The following KYAT1 variants were observed in gnomAD, a reference collection of about 807,000 sequenced individuals.
The protein encoded by KYAT1 is kynurenine--oxoglutarate transaminase 1.
KYAT1 carries 47 observed loss-of-function variants against 52.4 expected under a neutral mutation model. That is an observed-to-expected ratio of 0.90 (90% confidence interval 0.71 to 1.14). KYAT1 has a LOEUF of 1.14. Among genes scored for constraint, KYAT1 ranks in the 50% most tolerant of loss-of-function variants. KYAT1 has a pLI of 0.00. For synonymous variants in KYAT1, 212 were observed against 209.6 expected (o/e 1.01, Z -0.10); for missense variants, 480 against 557.9 (o/e 0.86, Z 1.41).
At chr9:128,844,490 CAA>C (rs954273666) in intron 2 of KYAT1, among the ~76,000 whole-genome samples, 16 of 140,830 alleles carry the variant, frequency 1.1e-4, no homozygotes, top group Non-Finnish European at 2.0e-4. Flanking sequence ...ACCAGCCTGG[CAA>C]ACATGGTGAA....
At chr9:128,837,656 G>C (rs1427218569) in intron 6 of KYAT1, 29 bp downstream of exon 6, 2 of 1,613,214 alleles carry the variant, frequency 1.2e-6, no homozygotes, top group Non-Finnish European at 1.7e-6. Flanking sequence ...AGGTCCGCAG[G>C]GGGCCAGGGA....
intron 1 of KYAT1, 104 bp downstream of exon 1, chr9:128,881,793 A>G (rs1407556868): frequency 6.6e-6 from 1 of 152,114 alleles, no homozygotes; most frequent in African/African-American, 2.4e-5. Context: ...AGTAGCATCA[A>G]ACTCATTAAG....
chr9:128,873,796 A>G (rs1837574855), intron 1 of KYAT1, among the ~76,000 whole-genome samples: 1 of 151,340 alleles, frequency 6.6e-6, no homozygotes. Flanking sequence ...AATACAAAAA[A>G]TTAGCCGGGC....
intron 1 of KYAT1, among the ~76,000 whole-genome samples, chr9:128,876,725 T>TC (rs995087848): frequency 1.1e-4 from 17 of 149,782 alleles, no homozygotes; most frequent in Non-Finnish European, 1.9e-4. Context: ...GGCCTTTTTT[T>TC]TTTTTTTTTC....
At chr9:128,834,798 C>T (rs113748406) in intron 11 of KYAT1, among the ~76,000 whole-genome samples, 1,528 of 143,910 alleles carry the variant, frequency 0.011, 26 homozygotes, top group African/African-American at 0.037. Flanking sequence ...CGCCACTGCA[C>T]TCCCACCTAG....
intron 2 of KYAT1, among the ~76,000 whole-genome samples, chr9:128,844,086 G>A (rs1325273343): frequency 6.6e-6 from 1 of 152,158 alleles, no homozygotes; most frequent in Non-Finnish European, 1.5e-5. Context: ...CATCATCTCT[G>A]GACCCATAAT....
chr9:128,833,392 A>T lies in KYAT1; in HGVS notation c.*192T>A. 1 of 651,078 alleles carries T rather than the reference A, an allele frequency of 1.5e-6. No individual in the cohort carries two copies. Among genetic ancestry groups the T allele is most frequent in the Non-Finnish European group, 2.7e-6 (1 of 372,912 alleles). 40.3% of individuals were successfully genotyped at this position (651,078 alleles called of 1,614,324 possible). A position where few individuals can be genotyped will look rare whatever the true frequency, so the allele number is the denominator to read the frequency against. ...CCAGGTCAGGCCACCCTCACCTTTCAGACAGGAGGCACTTGGTTCTCTAAG... is the reference window on the plus strand; with the variant it reads ...CCAGGTCAGGCCACCCTCACCTTTCTGACAGGAGGCACTTGGTTCTCTAAG... On this transcript the variant is annotated 3_prime_UTR_variant, in exon 13 of 13. Coordinates refer to ENST00000302586, the MANE Select transcript of KYAT1 (RefSeq NM_004059.5).
At chr9:128,861,698 C>T (rs1835488448) in intron 1 of KYAT1, among the ~76,000 whole-genome samples, 1 of 152,218 alleles carries the variant, frequency 6.6e-6, no homozygotes, top group African/African-American at 2.4e-5. Flanking sequence ...CCAGGAGGGA[C>T]ATTCCTTGGT....
chr9:128,839,735 A>G (rs1307686857), intron 3 of KYAT1, among the ~76,000 whole-genome samples: 1 of 152,232 alleles, frequency 6.6e-6, no homozygotes, highest in African/African-American at 2.4e-5. Flanking sequence ...ATTTGGCCAC[A>G]CAAATATAAA....
chr9:128,848,090 C>A (rs903810519), intron 1 of KYAT1, among the ~76,000 whole-genome samples: 10 of 152,098 alleles, frequency 6.6e-5, no homozygotes, highest in African/African-American at 2.4e-4. Flanking sequence ...GAGGCCAAAG[C>A]AGGAGGATCT....
chr9:128,874,161 C>A (rs1247328965), intron 1 of KYAT1, among the ~76,000 whole-genome samples: 1 of 150,988 alleles, frequency 6.6e-6, no homozygotes, highest in South Asian at 2.1e-4. Context: ...GAGGCTGAGA[C>A]GGGAGAATCG....
intron 1 of KYAT1, among the ~76,000 whole-genome samples, chr9:128,851,084 C>T (rs940985414): frequency 9.2e-5 from 14 of 152,150 alleles, no homozygotes; most frequent in East Asian, 3.9e-4. Context: ...ACTCAGAGAC[C>T]GGTACTGGTG....
intron 3 of KYAT1, among the ~76,000 whole-genome samples, chr9:128,839,047 T>C (rs1192194025): frequency 2.0e-5 from 3 of 151,880 alleles, no homozygotes; most frequent in Non-Finnish European, 2.9e-5. Flanking sequence ...CCCTGCAACC[T>C]CCGCCTCCTG....
chr9:128,862,537 T>C (rs1394583016), intron 1 of KYAT1, among the ~76,000 whole-genome samples: 1 of 152,190 alleles, frequency 6.6e-6, no homozygotes, highest in African/African-American at 2.4e-5. Flanking sequence ...GAGAAACAGA[T>C]CCCAGCTGTG....
chr9:128,876,115 T>C (rs891098793), intron 1 of KYAT1, among the ~76,000 whole-genome samples: 1 of 152,204 alleles, frequency 6.6e-6, no homozygotes, highest in Non-Finnish European at 1.5e-5. Context: ...TTACTCTTTT[T>C]TTATTTTAGA....
chr9:128,838,926 C>T (rs185444505), intron 3 of KYAT1, among the ~76,000 whole-genome samples: 4 of 146,244 alleles, frequency 2.7e-5, no homozygotes, highest in East Asian at 2.0e-4. Flanking sequence ...AGCAGCTTTG[C>T]GGGAGAGGCT....
At chr9:128,880,032 C>T (rs1279878250) in intron 1 of KYAT1, among the ~76,000 whole-genome samples, 1 of 152,218 alleles carries the variant, frequency 6.6e-6, no homozygotes, top group Non-Finnish European at 1.5e-5. Flanking sequence ...TGGCAACTTT[C>T]TTAATCTCTC....
Position 128,836,812 on chromosome 9 carries a change from G to A in KYAT1, c.678C>T (p.His226=). 1 of 1,613,642 alleles carries A rather than the reference G, an allele frequency of 6.2e-7. No homozygotes were observed. The highest frequency in any genetic ancestry group is 8.5e-7 in the Non-Finnish European group (1 of 1,179,892). The part of the protein sequence containing the change: ...YQWMVYDGHQ[H]ISIASLPGMW... The stretch of plus-strand genomic sequence containing the variant: ...GCTGGCTTGGCTCACCAATGCTGAT[G>A]TGCTGGTGCCCGTCGTAGACCATCC... The change falls in exon 7 of 13, where the codon CAC becomes CAT. Residue 226 remains histidine, a synonymous_variant. Coordinates refer to ENST00000302586, the MANE Select transcript of KYAT1 (RefSeq NM_004059.5).
chr9:128,877,160 ATT>A lies in KYAT1; in HGVS notation c.-7+4735_-7+4736del, dbSNP rs1272510399. The stretch of plus-strand genomic sequence containing the variant: ...TGATCTGCCTGCCTTGACCTCCCAA[ATT>A]GCTGGAATTACAGGTGTGAACCACT... On this transcript the variant is annotated intron_variant, in intron 1 of 12. Coordinates refer to ENST00000302586, the MANE Select transcript of KYAT1 (RefSeq NM_004059.5). Among the ~76,000 whole-genome samples, 4 of 152,072 alleles carry A rather than the reference ATT, an allele frequency of 2.6e-5. No individual in the cohort carries two copies. In the East Asian group the frequency reaches 7.7e-4, roughly 29 times the overall value.
Sources: allele counts gnomAD v4.1 joint callset (sites outside exome capture counted in the v4.1 genomes callset), GRCh38; gene constraint gnomAD v4.1.1; transcripts MANE v1.5; gene names NCBI Gene and HGNC (gene_info 2026-07-23, HGNC 2026-07-21).